The following SSX2IP variants were observed in gnomAD, a reference collection of about 807,000 sequenced individuals.
The protein encoded by SSX2IP is SSX family member 2 interacting protein.
A neutral mutation model predicts 84.9 loss-of-function variants in SSX2IP; 55 were observed. The ratio of observed to expected loss-of-function variants is 0.65; its 90% CI spans 0.52 to 0.81. The LOEUF (loss-of-function observed/expected upper bound fraction) is 0.81. Among genes scored for constraint, SSX2IP ranks in the 30% least tolerant of loss-of-function variants. SSX2IP has a pLI of 0.00. For synonymous variants in SSX2IP, 239 were observed against 234.7 expected (o/e 1.02, Z -0.17); for missense variants, 664 against 705.2 (o/e 0.94, Z 0.66).
At position 84,662,226 on chromosome 1, in the gene SSX2IP, C is replaced by G; in HGVS notation, c.899G>C (p.Arg300Thr). 1 of 1,602,662 alleles carries G rather than the reference C, an allele frequency of 6.2e-7. No homozygotes were observed. Among genetic ancestry groups the G allele is most frequent in the Non-Finnish European group, 8.5e-7 (1 of 1,176,440 alleles). ...SLLSPQKKKPRERVDDSTGTV... is the reference protein window; with the variant it reads ...SLLSPQKKKPTERVDDSTGTV... ...TCCTGTACTATCATCTACTCTTTCT[C>G]TAGGTTTCTTCTTTTGGGGAGAAAG... The change falls in exon 8 of 14, where the codon AGA (arginine) becomes ACA (threonine). Residue 300 changes from arginine to threonine, a missense_variant. Physicochemically the swap from Arg to Thr is moderately conservative, Grantham distance 71. Transcript: ENST00000342203.
intron 2 of SSX2IP, 74 bp from the exon 3 acceptor site, chr1:84,670,889 A>C: frequency 8.3e-7 from 1 of 1,197,636 alleles, no homozygotes; most frequent in Non-Finnish European, 1.2e-6. Context: ...GCCATTACTA[A>C]AGACTTTGAA....
chr1:84,656,012 A>C lies in SSX2IP; in HGVS notation c.1216-7T>G, dbSNP rs1057242762. 9 of 1,606,378 alleles carry C rather than the reference A, an allele frequency of 5.6e-6. No homozygotes were observed. Among genetic ancestry groups the C allele is most frequent in the Non-Finnish European group, 7.6e-6 (9 of 1,177,578 alleles). On this transcript the variant is annotated splice_region_variant and splice_polypyrimidine_tract_variant and intron_variant, in intron 10 of 13. Coordinates refer to ENST00000342203, the MANE Select transcript of SSX2IP (RefSeq NM_001166293.2). ...ATGCAGTAGCGAGCTGCTGCTATTA[A>C]AATTTAAAACATAGTAAGTTCCTGA...
chr1:84,667,570 T>A (rs894042818), intron 4 of SSX2IP, among the ~76,000 whole-genome samples: 30 of 152,136 alleles, frequency 2.0e-4, no homozygotes, highest in African/African-American at 6.5e-4. Flanking sequence ...TCCTCCTGTT[T>A]ACAACTCCTC....
At chr1:84,671,962 T>C (rs1215782302) in intron 1 of SSX2IP, among the ~76,000 whole-genome samples, 2 of 152,196 alleles carry the variant, frequency 1.3e-5, no homozygotes, top group South Asian at 2.1e-4. Context: ...TGTGTTTATG[T>C]TTCCATAGAA....
Position 84,655,954 on chromosome 1 carries a change from A to T in SSX2IP, c.1267T>A (p.Cys423Ser), listed in dbSNP as rs751262758. 1 of 1,613,768 alleles carries T rather than the reference A, an allele frequency of 6.2e-7. No homozygotes were observed. Among genetic ancestry groups the T allele is most frequent in the Admixed American group, 1.7e-5 (1 of 60,018 alleles). ...CGTTCCTTTTCTTCCAACAAATAAC[A>T]GTCTCGTAATAGTGAAGTGGTATCA... ...DDDTTSLLRD[C>S]YLLEEKERLK... Residue 423 changes from cysteine (C) to serine (S), a missense_variant, in exon 11 of 14, where the codon TGT (cysteine) becomes AGT (serine). Coordinates refer to ENST00000342203, the MANE Select transcript of SSX2IP (RefSeq NM_001166293.2).
chr1:84,662,599 C>G, intron 6 of SSX2IP, 69 bp from the exon 7 acceptor site: 1 of 1,504,812 alleles, frequency 6.6e-7, no homozygotes, highest in East Asian at 2.3e-5. Flanking sequence ...CTAATGCATT[C>G]TATACACGTA....
Position 84,647,429 on chromosome 1 carries a change from A to G in SSX2IP, c.*4T>C, listed in dbSNP as rs1189225325. The G allele has an allele frequency of 6.4e-7, 1 of 1,568,184 alleles. No homozygotes were observed. The highest frequency in any genetic ancestry group is 8.6e-7 in the Non-Finnish European group (1 of 1,156,862). On this transcript the variant is annotated 3_prime_UTR_variant, in exon 14 of 14. Transcript: ENST00000342203. ...ATTAATGAAAAAAATTCCAGTCCAC[A>G]TGTCTAAGGTAAGTCATCTTTTTCT...
At chr1:84,668,853 A>G (rs551500119) in intron 4 of SSX2IP, among the ~76,000 whole-genome samples, 118 of 152,282 alleles carry the variant, frequency 7.7e-4, no homozygotes, top group Non-Finnish European at 1.4e-3. Context: ...ATGAAAAACT[A>G]AAAGAAAGCT....
intron 5 of SSX2IP, among the ~76,000 whole-genome samples, chr1:84,665,851 G>A (rs902427880): frequency 3.9e-5 from 6 of 152,138 alleles, no homozygotes; most frequent in Non-Finnish European, 7.4e-5. Flanking sequence ...CAGTGAACAT[G>A]AGTCCAGGAA....
At chr1:84,667,341 A>C (rs1211091701) in intron 4 of SSX2IP, among the ~76,000 whole-genome samples, 1 of 152,018 alleles carries the variant, frequency 6.6e-6, no homozygotes, top group Non-Finnish European at 1.5e-5. Context: ...TTTTCATAAA[A>C]TCCTACCCAT....
chr1:84,656,210 T>C (rs747936173), intron 10 of SSX2IP, 138 bp downstream of exon 10: 47 of 959,636 alleles, frequency 4.9e-5, no homozygotes, highest in Non-Finnish European at 6.7e-5. Flanking sequence ...GTACACAATG[T>C]ATCTGTTAGC....
chr1:84,650,601 G>T, intron 12 of SSX2IP, 74 bp from the exon 13 acceptor site: 13 of 1,460,084 alleles, frequency 8.9e-6, no homozygotes, highest in Non-Finnish European at 1.1e-5. Flanking sequence ...TAAATCATCA[G>T]GATGATTCAT....
At chr1:84,648,597 A>G (rs1185246353) in intron 13 of SSX2IP, among the ~76,000 whole-genome samples, 2 of 152,200 alleles carry the variant, frequency 1.3e-5, no homozygotes, top group Non-Finnish European at 2.9e-5. Flanking sequence ...TGATGTAAAA[A>G]GCTAAATATT....
chr1:84,645,970 T>G lies in SSX2IP; in HGVS notation c.*1463A>C, dbSNP rs960850425. On this transcript the variant is annotated 3_prime_UTR_variant, in exon 14 of 14. Transcript: ENST00000342203. ...CTATCAGCCCTGAAAAAATGGCTGC[T>G]GCTATGCAACTCCAAAGAGTTACAT... is the stretch of plus-strand genomic sequence containing the variant. The G allele has an allele frequency of 5.9e-5, 9 of 152,180 alleles. No individual in the cohort carries two copies. Among genetic ancestry groups the G allele is most frequent in the African/African-American group, 2.2e-4 (9 of 41,452 alleles). 9.4% of individuals were successfully genotyped at this position (152,180 alleles called of 1,614,324 possible).
rs1651430623 is a variant in SSX2IP, at chr1:84,658,351, A to C, written c.1045T>G (p.Leu349Val). Residue 349 changes from leucine to valine, a missense_variant, in exon 9 of 14, where the codon TTG becomes GTG. Coordinates refer to ENST00000342203, the MANE Select transcript of SSX2IP (RefSeq NM_001166293.2). ...TCAAGCTTTTCTACATGACTTTTCA[A>C]AATTCTCCACTGTTTTCTGATGCTG... is the stretch of plus-strand genomic sequence containing the variant. The part of the protein sequence containing the change: ...TNSIRKQWRI[L>V]KSHVEKLDNQ... The C allele has an allele frequency of 3.1e-6, 5 of 1,613,998 alleles. No homozygotes were observed. The South Asian group carries it at 5.5e-5, about 18-fold the overall frequency.
At chr1:84,679,029 C>T (rs1654735539) in intron 1 of SSX2IP, among the ~76,000 whole-genome samples, 1 of 152,184 alleles carries the variant, frequency 6.6e-6, no homozygotes, top group Admixed American at 6.5e-5. Flanking sequence ...TTGCTAAAAT[C>T]TCACAAAGTT....
intron 5 of SSX2IP, among the ~76,000 whole-genome samples, chr1:84,665,013 G>A (rs1004759689): frequency 6.6e-6 from 1 of 152,086 alleles, no homozygotes; most frequent in Non-Finnish European, 1.5e-5. Context: ...CAATTCTCGA[G>A]TAAGAGTAAG....
intron 8 of SSX2IP, among the ~76,000 whole-genome samples, chr1:84,661,975 A>C (rs879602748): frequency 2.6e-5 from 4 of 152,206 alleles, no homozygotes; most frequent in Non-Finnish European, 4.4e-5. Flanking sequence ...ACAGTGCTTG[A>C]CATGTATTAA....
chr1:84,650,617 G>A (rs1456904049), intron 12 of SSX2IP, 90 bp from the exon 13 acceptor site: 3 of 1,371,142 alleles, frequency 2.2e-6, no homozygotes, highest in African/African-American at 2.9e-5. Flanking sequence ...TTCATCTGCG[G>A]TTCTGAGTGA....
Sources: allele counts gnomAD v4.1 joint callset (sites outside exome capture counted in the v4.1 genomes callset), GRCh38; gene constraint gnomAD v4.1.1; transcripts MANE v1.5; gene names NCBI Gene and HGNC (gene_info 2026-07-23, HGNC 2026-07-21).